Variants in FARS2 observed in about 807,000 individuals in gnomAD.
FARS2 encodes the protein phenylalanyl-tRNA synthetase 2, mitochondrial.
A neutral mutation model predicts 46.4 loss-of-function variants in FARS2; 40 were observed. That is an observed-to-expected ratio of 0.86 (90% CI 0.67 to 1.12). The LOEUF (loss-of-function observed/expected upper bound fraction) is 1.12, where lower values mean the gene tolerates loss of function less well. FARS2 is among the 50% of genes most tolerant of loss of function. The probability of loss-of-function intolerance (pLI) is 0.00; values close to 1 mark genes in which losing one functional copy is unlikely to be tolerated. For missense variants in FARS2, 513 were observed against 567.9 expected, an observed-to-expected ratio of 0.90 and a Z score of 0.98; for synonymous variants, 234 against 214.9, an observed-to-expected ratio of 1.09 and a Z score of -0.78.
At position 5,482,092 on chromosome 6, in the gene FARS2, A is replaced by G. The variant is rs545147433; in HGVS notation, c.904+50920A>G. 2.0e-5 allele frequency among the ~76,000 whole-genome samples: 3 copies of G among 152,150 alleles called. No individual in the cohort carries two copies. In the South Asian group the frequency reaches 6.2e-4, roughly 32 times the overall value. On this transcript the variant is annotated intron_variant, in intron 4 of 6. Transcript: ENST00000274680. ...TAGAAACCTCAGGTTTTTATTGGAT[A>G]AGTAAATGGTAATATCTATCTCATA...
intron 4 of FARS2, among the ~76,000 whole-genome samples, chr6:5,487,515 T>A (rs180987086): frequency 1.3e-5 from 2 of 152,350 alleles, no homozygotes; most frequent in East Asian, 3.9e-4. Context: ...CGTGTGTATT[T>A]GGCACTATCG....
chr6:5,566,408 G>A (rs1025091283), intron 5 of FARS2, among the ~76,000 whole-genome samples: 3 of 152,120 alleles, frequency 2.0e-5, no homozygotes, highest in African/African-American at 7.2e-5. Context: ...GATAACACAA[G>A]CAAAACAGAA....
intron 1 of FARS2, among the ~76,000 whole-genome samples, chr6:5,354,804 C>T (rs895100022): frequency 1.3e-5 from 2 of 152,014 alleles, no homozygotes; most frequent in Admixed American, 6.6e-5. Flanking sequence ...TGAGCCACCG[C>T]GCCCGGCCTA....
intron 4 of FARS2, chr6:5,466,451 C>G: frequency 2.3e-6 from 2 of 879,028 alleles, no homozygotes; most frequent in Non-Finnish European, 2.7e-6. Context: ...TTAGTCAGCT[C>G]TATATTCCCA....
intron 5 of FARS2, among the ~76,000 whole-genome samples, chr6:5,558,281 G>A (rs1003537397): frequency 2.6e-5 from 4 of 152,116 alleles, no homozygotes; most frequent in South Asian, 2.1e-4. Context: ...TGAGATGTGA[G>A]GAATTGAGGG....
chr6:5,427,291 G>A (rs1030315434), intron 3 of FARS2, among the ~76,000 whole-genome samples: 11 of 152,172 alleles, frequency 7.2e-5, no homozygotes, highest in Admixed American at 4.6e-4. Context: ...TGTAAGACCC[G>A]AAACCATAAA....
rs1758869725 is a variant in FARS2, at chr6:5,708,028, G to C, written c.1218-63263G>C. On this transcript the variant is annotated intron_variant, in intron 6 of 6. Transcript: ENST00000274680. ...GAATTGAACCTTGGAGAATAAGCAAGAATTCCCCCAGGTGGAACAGGTCAG... is the reference window on the plus strand; with the variant it reads ...GAATTGAACCTTGGAGAATAAGCAACAATTCCCCCAGGTGGAACAGGTCAG... 2.0e-5 allele frequency among the ~76,000 whole-genome samples: 3 copies of C among 152,190 alleles called. No homozygotes were observed. The South Asian group carries it at 6.2e-4, about 32-fold the overall frequency.
At chr6:5,594,387 A>G (rs938238215) in intron 5 of FARS2, among the ~76,000 whole-genome samples, 1 of 152,218 alleles carries the variant, frequency 6.6e-6, no homozygotes, top group African/African-American at 2.4e-5. Flanking sequence ...ATCTGGTGCG[A>G]TAACAGGGAT....
intron 6 of FARS2, among the ~76,000 whole-genome samples, chr6:5,754,590 T>G (rs977092336): frequency 2.6e-5 from 4 of 152,262 alleles, no homozygotes; most frequent in Non-Finnish European, 5.9e-5. Flanking sequence ...ATACCCTTCT[T>G]AGGTCTTTCT....
intron 1 of FARS2, among the ~76,000 whole-genome samples, chr6:5,303,624 C>A (rs140416717): frequency 6.6e-6 from 1 of 151,934 alleles, no homozygotes; most frequent in Non-Finnish European, 1.5e-5. Context: ...CCCTGCTTCT[C>A]TGAAAGTGAA....
intron 1 of FARS2, among the ~76,000 whole-genome samples, chr6:5,312,376 T>C (rs1046077596): frequency 1.3e-5 from 2 of 152,218 alleles, no homozygotes; most frequent in East Asian, 3.8e-4. Context: ...TTAAACTTCA[T>C]AACAACCTTG....
intron 5 of FARS2, among the ~76,000 whole-genome samples, chr6:5,583,968 A>G (rs1773473056): frequency 6.6e-6 from 1 of 152,098 alleles, no homozygotes; most frequent in Admixed American, 6.5e-5. Flanking sequence ...TGGCTTTTTT[A>G]TCCAATTTGT....
chr6:5,539,384 G>GTATATATATATATA (rs1554106819), intron 4 of FARS2, among the ~76,000 whole-genome samples: 1,591 of 79,534 alleles, frequency 0.02, 112 homozygotes, highest in African/African-American at 0.07. Context: ...TTTTTTTTGT[G>GTATATATATATATA]TATATATATA....
At chr6:5,455,144 C>A (rs1281215319) in intron 4 of FARS2, among the ~76,000 whole-genome samples, 1 of 152,070 alleles carries the variant, frequency 6.6e-6, no homozygotes, top group Non-Finnish European at 1.5e-5. Context: ...AGGAGATTTC[C>A]TTTTCCGGTT....
At chr6:5,620,978 T>C (rs1426191827) in intron 6 of FARS2, among the ~76,000 whole-genome samples, 1 of 152,256 alleles carries the variant, frequency 6.6e-6, no homozygotes, top group Non-Finnish European at 1.5e-5. Context: ...CACCACCACT[T>C]CTAGCCTTCC....
At chr6:5,545,128 C>G in intron 4 of FARS2, 52 bp from the exon 5 acceptor site, 1 of 1,571,504 alleles carries the variant, frequency 6.4e-7, no homozygotes, top group Non-Finnish European at 8.7e-7. Flanking sequence ...TGGTATGAAC[C>G]TATCCAATCT....
At chr6:5,532,832 T>C (rs1269313290) in intron 4 of FARS2, among the ~76,000 whole-genome samples, 3 of 151,544 alleles carry the variant, frequency 2.0e-5, no homozygotes, top group Non-Finnish European at 4.4e-5. Flanking sequence ...CTAGGTTGTT[T>C]TAGTGTTCCT....
chr6:5,271,648 C>T (rs1287789883), intron 1 of FARS2, among the ~76,000 whole-genome samples: 1 of 149,426 alleles, frequency 6.7e-6, no homozygotes, highest in East Asian at 2.0e-4. Context: ...CTGCAACCTC[C>T]GCCTCCGGGG....
intron 2 of FARS2, among the ~76,000 whole-genome samples, chr6:5,402,908 C>G (rs1432740817): frequency 6.6e-6 from 1 of 152,126 alleles, no homozygotes; most frequent in Non-Finnish European, 1.5e-5. Flanking sequence ...TAGCACCTCA[C>G]TCATTCTCCT....
Sources: gnomAD v4.1 joint callset for allele counts (sites outside exome capture counted in the v4.1 genomes callset) on GRCh38, gnomAD v4.1.1 for gene constraint, MANE v1.5 for transcripts, NCBI Gene and HGNC (gene_info 2026-07-23, HGNC 2026-07-21) for gene names.